ZSCAN2: variants seen among roughly 807,000 people sequenced by gnomAD.
ZSCAN2 encodes zinc finger and SCAN domain containing 2, also known as zinc finger and SCAN domain-containing protein 2.
In ZSCAN2, 26 loss-of-function variants were observed where a neutral mutation model predicts 47.8. The observed-to-expected ratio is 0.54, with a 90% CI of 0.40 to 0.75. The LOEUF is 0.75. Ranked by LOEUF, ZSCAN2 falls within the 30% of genes least tolerant of loss-of-function variation. ZSCAN2 has a pLI of 0.00. For missense variants in ZSCAN2, 732 were observed against 785.4 expected, an observed-to-expected ratio of 0.93 and a Z score of 0.81; for synonymous variants, 305 against 288.7, an observed-to-expected ratio of 1.06 and a Z score of -0.57.
At chr15:84,612,091 C>T (rs1174559350) in intron 2 of ZSCAN2, 1 of 152,270 alleles carries the variant, frequency 6.6e-6, no homozygotes, top group Non-Finnish European at 1.5e-5. Flanking sequence ...GCTGTGTGCT[C>T]TGGATCTCAT....
At chr15:84,610,358 G>A (rs1158622636) in intron 2 of ZSCAN2, among the ~76,000 whole-genome samples, 2 of 152,096 alleles carry the variant, frequency 1.3e-5, no homozygotes, top group African/African-American at 4.8e-5. Context: ...CATGCGGGAA[G>A]GACTTTCATG....
intron 2 of ZSCAN2, among the ~76,000 whole-genome samples, chr15:84,605,013 G>A (rs1490897603): frequency 2.6e-5 from 4 of 152,178 alleles, no homozygotes; most frequent in African/African-American, 9.7e-5. Flanking sequence ...TGGGATTACA[G>A]GCGTGAGTCA....
chr15:84,617,830 C>A (rs1001524367), intron 2 of ZSCAN2, among the ~76,000 whole-genome samples: 1 of 152,044 alleles, frequency 6.6e-6, no homozygotes, highest in Admixed American at 6.6e-5. Context: ...ATCCCAGCTA[C>A]CTGCAAGGCT....
chr15:84,612,481 T>C lies in ZSCAN2; in HGVS notation c.407-8121T>C, dbSNP rs540469639. ...CAGGAGCGGTAGCTCATGCCTGTAA[T>C]CCGAGCACTTTGGGAGGCCGAGGCA... is the stretch of plus-strand genomic sequence containing the variant. On this transcript the variant is annotated intron_variant, in intron 2 of 2. Transcript: ENST00000546148. Among the ~76,000 whole-genome samples the C allele has an allele frequency of 2.4e-4, 36 of 152,318 alleles. 1 individual carries two copies. The highest frequency in any genetic ancestry group is 7.9e-4 in the African/African-American group (33 of 41,570).
In ZSCAN2 at chr15:84,622,534, A is replaced by T; in HGVS notation, c.*494A>T. ...TCCAGGGCACCCCAAGCTGTCAGTT[A>T]GAATCTGCTCTTCTGGCTTTGGTGT... is the stretch of plus-strand genomic sequence containing the variant. On this transcript the variant is annotated 3_prime_UTR_variant, in exon 3 of 3. Transcript: ENST00000546148. 1 of 700,072 alleles carries T rather than the reference A, an allele frequency of 1.4e-6. No individual in the cohort carries two copies. The highest frequency in any genetic ancestry group is 1.5e-5 in the South Asian group (1 of 64,756). The allele number at this position is 700,072 out of a possible 1,614,324, so 43.4% of individuals were successfully genotyped here. A position where few individuals can be genotyped will look rare whatever the true frequency, so the allele number is the denominator to read the frequency against.
Position 84,621,977 on chromosome 15 carries a change from C to A in ZSCAN2, c.1782C>A (p.Gly594=). 1 of 1,614,132 alleles carries A rather than the reference C, an allele frequency of 6.2e-7. No individual in the cohort carries two copies. The highest frequency in any genetic ancestry group is 8.5e-7 in the Non-Finnish European group (1 of 1,179,974). ...KPYKCPECGK[G]FSNSSNFITH... Reference sequence around the variant, plus strand: ...ACAAATGCCCCGAGTGTGGCAAAGGCTTCAGCAACAGCTCTAACTTTATCA... The same window carrying A: ...ACAAATGCCCCGAGTGTGGCAAAGGATTCAGCAACAGCTCTAACTTTATCA... The change falls in exon 3 of 3, where the codon GGC becomes GGA. Residue 594 remains glycine (G), a synonymous_variant. Transcript: ENST00000546148. The surrounding 1 kb of genome is among the most constrained non-coding windows in gnomAD (Gnocchi z 5.7).
Position 84,622,746 on chromosome 15 carries a change from G to A in ZSCAN2, c.*706G>A, listed in dbSNP as rs950283247. 2 of 712,054 alleles carry A rather than the reference G, an allele frequency of 2.8e-6. No homozygotes were observed. 44.1% of individuals were successfully genotyped at this position (712,054 alleles called of 1,614,324 possible). A position where few individuals can be genotyped will look rare whatever the true frequency, so the allele number is the denominator to read the frequency against. On this transcript the variant is annotated 3_prime_UTR_variant, in exon 3 of 3. Coordinates refer to ENST00000546148, the MANE Select transcript of ZSCAN2 (RefSeq NM_181877.4). ...GTTGGACAGGGCCTTCAGGAAAGGG[G>A]TAAACCGAGGACATTTCAGTGCTTG...
chr15:84,612,670 G>A (rs1049753840), intron 2 of ZSCAN2, among the ~76,000 whole-genome samples: 3 of 152,128 alleles, frequency 2.0e-5, no homozygotes, highest in Non-Finnish European at 4.4e-5. Flanking sequence ...GGTAGGCGGA[G>A]CTTGCAGTGA....
In ZSCAN2 at chr15:84,620,786, G is replaced by T. The variant is rs746329233; in HGVS notation, c.591G>T (p.Gly197=). Residue 197 remains glycine (G), a synonymous_variant, in exon 3 of 3, where the codon GGG becomes GGT. Coordinates refer to ENST00000546148, the MANE Select transcript of ZSCAN2 (RefSeq NM_181877.4). ...LQGHSPGEDH[G]EVVSQDREVG... ...GACACAGCCCAGGTGAGGACCACGG[G>T]GAGGTGGTTTCTCAGGACAGGGAAG... 6.2e-7 allele frequency: 1 copy of T among 1,614,232 alleles called. No individual in the cohort carries two copies. The highest frequency in any genetic ancestry group is 1.7e-5 in the Admixed American group (1 of 60,026).
intron 2 of ZSCAN2, 134 bp downstream of exon 2, chr15:84,604,467 G>A: frequency 8.6e-7 from 1 of 1,163,438 alleles, no homozygotes; most frequent in Admixed American, 2.8e-5. Flanking sequence ...TCTGTCTGCA[G>A]GCAGTCAGCG....
chr15:84,621,998 T>C lies in ZSCAN2; in HGVS notation c.1803T>C (p.Phe601=), dbSNP rs776477596. Residue 601 remains phenylalanine (F), a synonymous_variant, in exon 3 of 3, where the codon TTT becomes TTC. Coordinates refer to ENST00000546148, the MANE Select transcript of ZSCAN2 (RefSeq NM_181877.4). This position sits in a 1 kb window ranked among gnomAD's most constrained non-coding sequence, Gnocchi z 5.7. The part of the protein sequence containing the change: ...CGKGFSNSSN[F]ITHQRTHMKE... ...AAGGCTTCAGCAACAGCTCTAACTT[T>C]ATCACACATCAGAGAACTCACATGA... 4.4e-5 allele frequency: 71 copies of C among 1,612,714 alleles called. No homozygotes were observed. Among genetic ancestry groups the C allele is most frequent in the Non-Finnish European group, 5.5e-5 (65 of 1,179,206 alleles).
intron 2 of ZSCAN2, chr15:84,614,397 C>T (rs1164390798): frequency 1.3e-5 from 2 of 152,158 alleles, no homozygotes; most frequent in Non-Finnish European, 2.9e-5. Flanking sequence ...CGAACATATC[C>T]TATAAACCAC....
intron 2 of ZSCAN2, among the ~76,000 whole-genome samples, chr15:84,607,424 C>G (rs1895415626): frequency 6.6e-6 from 1 of 151,964 alleles, no homozygotes; most frequent in Non-Finnish European, 1.5e-5. Flanking sequence ...CCCCTGCAGT[C>G]TTTTCCCACC....
rs1227345623 is a variant in ZSCAN2 at position 84,622,564 on chromosome 15, G to C, written c.*524G>C. ...CTGCTCTTCTGGCTTTGGTGTCTTG[G>C]GCTTTGATTTCAGGTCAAGATGGAG... On this transcript the variant is annotated 3_prime_UTR_variant, in exon 3 of 3. Transcript: ENST00000546148. 7 of 714,788 alleles carry C rather than the reference G, an allele frequency of 9.8e-6. No homozygotes were observed. Among genetic ancestry groups the C allele is most frequent in the Non-Finnish European group, 1.8e-5 (7 of 383,870 alleles). The allele number at this position is 714,788 out of a possible 1,614,324, so 44.3% of individuals were successfully genotyped here.
rs550576320 is a variant in ZSCAN2 at position 84,608,758 on chromosome 15, C to T, written c.406+4425C>T. 1.4e-4 allele frequency among the ~76,000 whole-genome samples: 22 copies of T among 152,100 alleles called. No individual in the cohort carries two copies. The East Asian group carries it at 4.2e-3, about 29-fold the overall frequency. On this transcript the variant is annotated intron_variant, in intron 2 of 2. Coordinates refer to ENST00000546148, the MANE Select transcript of ZSCAN2 (RefSeq NM_181877.4). Reference sequence around the variant, plus strand: ...CTGGGCAAGGGAGTTTTGAAAGTGCCCAGGTAGTTCTATTATGCTGCAAAG... The same window carrying T: ...CTGGGCAAGGGAGTTTTGAAAGTGCTCAGGTAGTTCTATTATGCTGCAAAG...
rs928783975 is a variant in ZSCAN2 at position 84,604,079 on chromosome 15, C to A, written c.152C>A (p.Pro51His). The A allele has an allele frequency of 1.2e-6, 2 of 1,614,146 alleles. No homozygotes were observed. Among genetic ancestry groups the A allele is most frequent in the African/African-American group, 2.7e-5 (2 of 75,036 alleles). Residue 51 changes from proline (P) to histidine (H), a missense_variant, in exon 2 of 3, where the codon CCT becomes CAT. Transcript: ENST00000546148. The part of the protein sequence containing the change: ...VQEAVLQEDG[P>H]ESEPFPQSAG... ...GAAGCTGTGCTGCAGGAGGATGGCC[C>A]TGAGTCTGAGCCCTTTCCCCAGAGT...
rs146139234 is a variant in ZSCAN2 at position 84,621,366 on chromosome 15, A to G, written c.1171A>G (p.Lys391Glu). 1,057 of 1,613,052 alleles carry G rather than the reference A, an allele frequency of 6.6e-4. 2 individuals carry two copies. Among genetic ancestry groups the G allele is most frequent in the Non-Finnish European group, 7.6e-4 (902 of 1,179,756 alleles). The change falls in exon 3 of 3, where the codon AAA (lysine) becomes GAA (glutamate). Residue 391 changes from lysine (K) to glutamate (E), a missense_variant. By Grantham distance (56) the Lys-to-Glu change is moderately conservative. Transcript: ENST00000546148. This position sits in a 1 kb window ranked among gnomAD's most constrained non-coding sequence, Gnocchi z 5.7. ...AATCCACACAGGAGAGAAACCCTAC[A>G]AATGTACCGACTGTGGGCAGAGGTT... ...QRIHTGEKPY[K>E]CTDCGQRFSQ...
Position 84,622,182 on chromosome 15 carries a change from C to A in ZSCAN2, c.*142C>A. ...GTCTTCCCCTTGCTCATCCTCATTT[C>A]CAGGACACTGTCATTTTAGTGGTCT... is the stretch of plus-strand genomic sequence containing the variant. On this transcript the variant is annotated 3_prime_UTR_variant, in exon 3 of 3. Coordinates refer to ENST00000546148, the MANE Select transcript of ZSCAN2 (RefSeq NM_181877.4). 1.3e-6 allele frequency: 1 copy of A among 744,454 alleles called. No individual in the cohort carries two copies. The highest frequency in any genetic ancestry group is 2.3e-6 in the Non-Finnish European group (1 of 443,966). 46.1% of individuals were successfully genotyped at this position (744,454 alleles called of 1,614,324 possible). A position where few individuals can be genotyped will look rare whatever the true frequency, so the allele number is the denominator to read the frequency against.
At chr15:84,602,177 C>G (rs1895225579) in intron 1 of ZSCAN2, 1 of 152,014 alleles carries the variant, frequency 6.6e-6, no homozygotes, top group Non-Finnish European at 1.5e-5. Context: ...TCTCGATCTT[C>G]CGACCTCAGG....
Sources: gnomAD v4.1 joint callset for allele counts (sites outside exome capture counted in the v4.1 genomes callset) on GRCh38, gnomAD v4.1.1 for gene constraint, Gnocchi (gnomAD v3.1) non-coding constraint, MANE v1.5 for transcripts, NCBI Gene and HGNC (gene_info 2026-07-23, HGNC 2026-07-21) for gene names.